The following ITPR2 variants were observed in gnomAD, a reference collection of about 807,000 sequenced individuals.
The protein encoded by ITPR2 is inositol 1,4,5-trisphosphate-gated calcium channel ITPR2.
ITPR2 carries 207 observed loss-of-function variants against 317.1 expected under a neutral mutation model. The observed-to-expected ratio is 0.65, with a 90% CI of 0.58 to 0.73. ITPR2 has a LOEUF of 0.73. ITPR2 is among the 30% of genes least tolerant of loss of function. ITPR2 has a pLI of 0.00. For missense variants in ITPR2, 2,613 were observed against 3,284.0 expected (o/e 0.80, Z 4.99); for synonymous variants, 1,156 against 1,149.1 (o/e 1.01, Z -0.12).
chr12:26,684,787 T>C (rs1008580098), intron 11 of ITPR2, among the ~76,000 whole-genome samples: 30 of 152,044 alleles, frequency 2.0e-4, no homozygotes, highest in African/African-American at 7.2e-4. Context: ...TTGGTTAGAG[T>C]TCAAGAAGGA....
At chr12:26,529,300 C>T (rs563837487) in intron 37 of ITPR2, among the ~76,000 whole-genome samples, 1 of 152,368 alleles carries the variant, frequency 6.6e-6, no homozygotes, top group African/African-American at 2.4e-5. Context: ...CCTTCTCCCA[C>T]TGCTCTGATC....
chr12:26,587,280 A>AATAT (rs10554886), intron 32 of ITPR2, among the ~76,000 whole-genome samples: 33 of 147,602 alleles, frequency 2.2e-4, no homozygotes, highest in African/African-American at 7.9e-4. Flanking sequence ...AATACAAATA[A>AATAT]ATATATATAT....
chr12:26,656,434 G>C lies in ITPR2; in HGVS notation c.2307C>G (p.Ser769Arg), dbSNP rs780972398. 1.9e-6 allele frequency: 3 copies of C among 1,614,214 alleles called. No homozygotes were observed. Among genetic ancestry groups the C allele is most frequent in the South Asian group, 1.1e-5 (1 of 91,082 alleles). ...DLILRCVSDE[S>R]LPFDLRASFC... The stretch of plus-strand genomic sequence containing the variant: ...AGGACGCTCGGAGGTCGAACGGCAG[G>C]CTCTCATCCGACACACACCGCAGGA... Residue 769 changes from serine (S) to arginine (R), a missense_variant, in exon 19 of 57, where the codon AGC becomes AGG. Ser to Arg is a moderately radical substitution (Grantham distance 110, BLOSUM62 -1). Around this residue, in one of 9 missense-constraint regions of ITPR2, gnomAD observed 817 missense variants for 897.6 expected, o/e 0.91. Transcript: ENST00000381340.
intron 2 of ITPR2, among the ~76,000 whole-genome samples, chr12:26,746,698 A>G (rs999630681): frequency 3.9e-5 from 6 of 152,188 alleles, no homozygotes; most frequent in African/African-American, 1.4e-4. Flanking sequence ...TCAGATCTGC[A>G]TGAAGCAGTG....
At position 26,369,323 on chromosome 12, in the gene ITPR2, G is replaced by C. The variant is rs73301050; in HGVS notation, c.7857+18111C>G. On this transcript the variant is annotated intron_variant, in intron 55 of 56. Coordinates refer to ENST00000381340, the MANE Select transcript of ITPR2 (RefSeq NM_002223.4). ...TTTTTTCTTTGAGGCATAGTCAGTAGAGGGGCAAGTATGGAAGAAAAAAGA... is the reference window on the plus strand; with the variant it reads ...TTTTTTCTTTGAGGCATAGTCAGTACAGGGGCAAGTATGGAAGAAAAAAGA... Among the ~76,000 whole-genome samples the C allele has an allele frequency of 5.3e-3, 809 of 152,278 alleles. 9 individuals are homozygous for C. Among genetic ancestry groups the C allele is most frequent in the African/African-American group, 0.019 (769 of 41,552 alleles).
intron 37 of ITPR2, among the ~76,000 whole-genome samples, chr12:26,523,434 A>G (rs1211479364): frequency 6.6e-6 from 1 of 152,104 alleles, no homozygotes; most frequent in Non-Finnish European, 1.5e-5. Context: ...CACTGTATCA[A>G]TTTCTTTATT....
intron 4 of ITPR2, 53 bp from the exon 5 acceptor site, chr12:26,722,608 A>C (rs1370610078): frequency 1.5e-6 from 2 of 1,326,646 alleles, no homozygotes; most frequent in Non-Finnish European, 2.1e-6. Context: ...TCCTCTGTTA[A>C]TTACATTCAT....
rs375399880 is a variant in ITPR2, at chr12:26,663,346, C to T, written c.1713+339G>A. On this transcript the variant is annotated intron_variant, in intron 15 of 56. Coordinates refer to ENST00000381340, the MANE Select transcript of ITPR2 (RefSeq NM_002223.4). Reference sequence around the variant, plus strand: ...AACTATAACCTCTTTGGTCCATACACGGTGATGCTGTACCTCACATGTTCC... The same window carrying T: ...AACTATAACCTCTTTGGTCCATACATGGTGATGCTGTACCTCACATGTTCC... Among the ~76,000 whole-genome samples, 16 of 152,254 alleles carry T rather than the reference C, an allele frequency of 1.1e-4. No homozygotes were observed. In the East Asian group the frequency reaches 2.1e-3, roughly 20 times the overall value.
chr12:26,399,721 T>G (rs1940109086), intron 53 of ITPR2, among the ~76,000 whole-genome samples: 1 of 152,222 alleles, frequency 6.6e-6, no homozygotes, highest in Admixed American at 6.5e-5. Context: ...TAGAATTTGC[T>G]CAAATGTTAT....
chr12:26,351,301 C>T (rs529709298), intron 55 of ITPR2, among the ~76,000 whole-genome samples: 4 of 152,312 alleles, frequency 2.6e-5, no homozygotes, highest in African/African-American at 9.6e-5. Context: ...GACTCAGGGA[C>T]TGGGGCCCAA....
chr12:26,556,083 A>T, intron 36 of ITPR2, 150 bp downstream of exon 36: 3 of 603,794 alleles, frequency 5.0e-6, no homozygotes, highest in Non-Finnish European at 7.9e-6. Context: ...GAATCAATTT[A>T]ATTATTCTGG....
chr12:26,631,997 T>C lies in ITPR2; in HGVS notation c.2803A>G (p.Arg935Gly), dbSNP rs200534828. ...ACGCTCATGGGGAAGATGGAGCCTC[T>C]ACTGAGTACCATCTGGGTCATCATC... ...GEMMTQMVLS[R>G]GSIFPMSVPD... The change falls in exon 22 of 57, where the codon AGA becomes GGA. Residue 935 changes from arginine to glycine, a missense_variant. This residue lies in a region of ITPR2 where 817 missense variants were observed against 897.6 expected (regional missense o/e 0.91). Coordinates refer to ENST00000381340, the MANE Select transcript of ITPR2 (RefSeq NM_002223.4). 21 of 1,612,010 alleles carry C rather than the reference T, an allele frequency of 1.3e-5. No homozygotes were observed. In the East Asian group the frequency reaches 2.9e-4, roughly 22 times the overall value.
At chr12:26,792,766 C>T (rs190056254) in intron 1 of ITPR2, among the ~76,000 whole-genome samples, 50 of 152,246 alleles carry the variant, frequency 3.3e-4, no homozygotes, top group African/African-American at 1.2e-3. Context: ...CCTCTTTGTT[C>T]CCAGTTCTTT....
At chr12:26,449,352 C>T (rs1012351027) in intron 45 of ITPR2, among the ~76,000 whole-genome samples, 20 of 152,048 alleles carry the variant, frequency 1.3e-4, no homozygotes, top group African/African-American at 4.6e-4. Flanking sequence ...TAAGGCTTTA[C>T]GTATTCTAAT....
At position 26,499,983 on chromosome 12, in the gene ITPR2, A is replaced by T. The variant is rs1309822647; in HGVS notation, c.5074-4723T>A. 4.6e-5 allele frequency among the ~76,000 whole-genome samples: 7 copies of T among 152,216 alleles called. No individual in the cohort carries two copies. In the South Asian group the frequency reaches 1.0e-3, roughly 23 times the overall value. Reference sequence around the variant, plus strand: ...AAGACAAACTCTGGTGCTAAAAATGATTAATGAATAGGTATAAACAGAACA... The same window carrying T: ...AAGACAAACTCTGGTGCTAAAAATGTTTAATGAATAGGTATAAACAGAACA... On this transcript the variant is annotated intron_variant, in intron 37 of 56. Transcript: ENST00000381340.
chr12:26,583,537 AAAG>A (rs1256389665), intron 32 of ITPR2, among the ~76,000 whole-genome samples: 1 of 152,096 alleles, frequency 6.6e-6, no homozygotes, highest in African/African-American at 2.4e-5. Context: ...TCCCTCTTAA[AAAG>A]AATAGTCCAT....
At chr12:26,704,677 T>C (rs911902185) in intron 9 of ITPR2, among the ~76,000 whole-genome samples, 2 of 152,196 alleles carry the variant, frequency 1.3e-5, no homozygotes, top group Non-Finnish European at 2.9e-5. Context: ...TTAATATTTA[T>C]TGCATACCTC....
chr12:26,439,296 C>T lies in ITPR2; in HGVS notation c.6474G>A (p.Met2158Ile), dbSNP rs1465602799. The change falls in exon 47 of 57, where the codon ATG (methionine) becomes ATA (isoleucine). Residue 2158 changes from methionine (M) to isoleucine (I), a missense_variant. Physicochemically the swap from Met to Ile is conservative, Grantham distance 10 (BLOSUM62 1). This residue lies in a region of ITPR2 where 926 missense variants were observed against 1,072.8 expected (regional missense o/e 0.86). Coordinates refer to ENST00000381340, the MANE Select transcript of ITPR2 (RefSeq NM_002223.4). Reference protein sequence around the residue: ...QIEIVRHDRTMEQIVFPVPNI... With the variant: ...QIEIVRHDRTIEQIVFPVPNI... Reference sequence around the variant, plus strand: ...TGGGGACAGGAAAAACTATTTGTTCCATGGTCCTATCATGCCGGACAATCT... The same window carrying T: ...TGGGGACAGGAAAAACTATTTGTTCTATGGTCCTATCATGCCGGACAATCT... 1.9e-6 allele frequency: 3 copies of T among 1,608,590 alleles called. No homozygotes were observed. Among genetic ancestry groups the T allele is most frequent in the Non-Finnish European group, 2.5e-6 (3 of 1,177,792 alleles).
intron 51 of ITPR2, among the ~76,000 whole-genome samples, chr12:26,414,023 G>A (rs944448660): frequency 9.0e-5 from 13 of 145,216 alleles, no homozygotes; most frequent in Non-Finnish European, 1.8e-4. Flanking sequence ...GAGGTTTTGG[G>A]AAGCAGATAG....
Sources: gnomAD v4.1 joint callset for allele counts (sites outside exome capture counted in the v4.1 genomes callset) on GRCh38, gnomAD v4.1.1 for gene constraint, gnomAD v4.1.1 regional missense constraint, MANE v1.5 for transcripts, NCBI Gene and HGNC (gene_info 2026-07-23, HGNC 2026-07-21) for gene names.